The following RETREG1 variants were observed in gnomAD, a reference collection of about 807,000 sequenced individuals.
RETREG1 encodes the protein reticulophagy regulator 1.
Under a neutral mutation model 54.8 loss-of-function variants are expected in RETREG1, and 44 were observed. That is an observed-to-expected ratio of 0.80 (90% CI 0.63 to 1.03). The LOEUF (loss-of-function observed/expected upper bound fraction) is 1.03. RETREG1 is among the 50% of genes least tolerant of loss of function. The probability of loss-of-function intolerance (pLI) is 0.00; values close to 1 mark genes in which losing one functional copy is unlikely to be tolerated. For missense variants in RETREG1, 554 were observed against 605.1 expected, an observed-to-expected ratio of 0.92 and a Z score of 0.89; for synonymous variants, 217 against 238.5, an observed-to-expected ratio of 0.91 and a Z score of 0.83.
At chr5:16,600,569 G>A (rs541316160) in intron 1 of RETREG1, among the ~76,000 whole-genome samples, 20 of 152,252 alleles carry the variant, frequency 1.3e-4, no homozygotes, top group African/African-American at 4.6e-4. Flanking sequence ...CAGAACACTC[G>A]GAGTCAGGCT....
In RETREG1 at chr5:16,474,831, ACT is replaced by A; in HGVS notation, c.1402_1403del (p.Ser468Ter). On this transcript the variant is annotated frameshift_variant, in exon 9 of 9. Coordinates refer to ENST00000306320, the MANE Select transcript of RETREG1 (RefSeq NM_001034850.3). LOFTEE classifies it high-confidence loss of function. ...LDQSELDQIE[S>X]ELGLTQDQEA... ...CCTGGTCTTGTGTAAGTCCCAATTC[ACT>A]CTCAATTTGATCCAGCTCTGACTGG... The A allele has an allele frequency of 6.2e-7, 1 of 1,613,482 alleles. No individual in the cohort carries two copies. The highest frequency in any genetic ancestry group is 1.7e-5 in the Admixed American group (1 of 59,914).
At position 16,498,538 on chromosome 5, in the gene RETREG1, C is replaced by T. The variant is rs1739563064; in HGVS notation, c.459-15066G>A. 2.6e-5 allele frequency among the ~76,000 whole-genome samples: 4 copies of T among 152,166 alleles called. No individual in the cohort carries two copies. The South Asian group carries it at 8.3e-4, about 31-fold the overall frequency. On this transcript the variant is annotated intron_variant, in intron 3 of 8. Coordinates refer to ENST00000306320, the MANE Select transcript of RETREG1 (RefSeq NM_001034850.3). ...CACCAGCCTGGGCAACATGGCAAAACCCAATCTCTACAAAAAATACAAAGA... is the reference window on the plus strand; with the variant it reads ...CACCAGCCTGGGCAACATGGCAAAATCCAATCTCTACAAAAAATACAAAGA...
intron 3 of RETREG1, among the ~76,000 whole-genome samples, chr5:16,553,799 C>A (rs114760911): frequency 2.8e-4 from 42 of 152,034 alleles, no homozygotes; most frequent in African/African-American, 8.9e-4. Context: ...AAATATCATT[C>A]AGTATATTCA....
At position 16,475,247 on chromosome 5, in the gene RETREG1, T is replaced by C. The variant is rs1383912304; in HGVS notation, c.1001-13A>G. On this transcript the variant is annotated splice_polypyrimidine_tract_variant and intron_variant, in intron 8 of 8. Transcript: ENST00000306320. ...GGTCGGTCAAGATCTGTGAAATGGA[T>C]AACAGAAGTTCAGACTGAAGCACCA... 1 of 1,609,318 alleles carries C rather than the reference T, an allele frequency of 6.2e-7. No individual in the cohort carries two copies. The highest frequency in any genetic ancestry group is 8.5e-7 in the Non-Finnish European group (1 of 1,179,712).
chr5:16,503,999 T>C (rs934023303), intron 3 of RETREG1, among the ~76,000 whole-genome samples: 2 of 152,188 alleles, frequency 1.3e-5, no homozygotes, highest in Non-Finnish European at 2.9e-5. Flanking sequence ...TATCAACCCA[T>C]CACCTAGGTA....
chr5:16,547,162 G>T (rs1246738774), intron 3 of RETREG1, among the ~76,000 whole-genome samples: 1 of 152,210 alleles, frequency 6.6e-6, no homozygotes, highest in Admixed American at 6.5e-5. Context: ...CACAGGGAAG[G>T]TGGCCCCAAA....
At chr5:16,612,440 G>T (rs770351325) in intron 1 of RETREG1, among the ~76,000 whole-genome samples, 6 of 152,234 alleles carry the variant, frequency 3.9e-5, no homozygotes, top group Non-Finnish European at 5.9e-5. Flanking sequence ...CGTAGACAGG[G>T]ACAGGCGTGG....
intron 3 of RETREG1, among the ~76,000 whole-genome samples, chr5:16,519,274 CTA>C (rs1322024295): frequency 6.6e-6 from 1 of 152,158 alleles, no homozygotes; most frequent in South Asian, 2.1e-4. Context: ...CTCCAAAATA[CTA>C]TGTTATAGCA....
At chr5:16,536,960 G>A (rs1208114706) in intron 3 of RETREG1, among the ~76,000 whole-genome samples, 1 of 152,142 alleles carries the variant, frequency 6.6e-6, no homozygotes, top group African/African-American at 2.4e-5. Flanking sequence ...GATGTCAAGA[G>A]CTCCCATCGT....
At position 16,586,643 on chromosome 5, in the gene RETREG1, ATC is replaced by A. The variant is rs560000895; in HGVS notation, c.321-14543_321-14542del. On this transcript the variant is annotated intron_variant, in intron 1 of 8. Coordinates refer to ENST00000306320, the MANE Select transcript of RETREG1 (RefSeq NM_001034850.3). ...TCAGGGCCTTTCCCATTCAAATATT[ATC>A]TGATTCTATAAACTCTAGTTCTAGA... Among the ~76,000 whole-genome samples, 5 of 152,330 alleles carry A rather than the reference ATC, an allele frequency of 3.3e-5. No individual in the cohort carries two copies. The South Asian group carries it at 6.2e-4, about 19-fold the overall frequency.
chr5:16,518,579 AG>A (rs1458567675), intron 3 of RETREG1, among the ~76,000 whole-genome samples: 2 of 152,146 alleles, frequency 1.3e-5, no homozygotes, highest in Non-Finnish European at 2.9e-5. Context: ...AAAAGAAAAA[AG>A]ATTACTTTTA....
chr5:16,547,896 T>G (rs921813301), intron 3 of RETREG1, among the ~76,000 whole-genome samples: 1 of 152,080 alleles, frequency 6.6e-6, no homozygotes, highest in South Asian at 2.1e-4. Context: ...TTAATAATTA[T>G]GGTAAAAAAA....
intron 5 of RETREG1, among the ~76,000 whole-genome samples, chr5:16,479,618 A>G (rs1738684565): frequency 6.6e-6 from 1 of 152,140 alleles, no homozygotes. Context: ...CTGATGTTAT[A>G]TATGACTTCT....
In RETREG1 at chr5:16,594,284, T is replaced by C. The variant is rs574082800; in HGVS notation, c.321-22182A>G. Among the ~76,000 whole-genome samples the C allele has an allele frequency of 3.9e-5, 6 of 152,334 alleles. No homozygotes were observed. Among genetic ancestry groups the C allele is most frequent in the Non-Finnish European group, 5.9e-5 (4 of 68,032 alleles). ...TTTCTCCTGATGCCCAACTTTCATT[T>C]TGATAAATGAAAGCTACAAGTTCTA... On this transcript the variant is annotated intron_variant, in intron 1 of 8. Coordinates refer to ENST00000306320, the MANE Select transcript of RETREG1 (RefSeq NM_001034850.3). The surrounding 1 kb of genome is among the most constrained non-coding windows in gnomAD (Gnocchi z 4.4).
chr5:16,575,086 C>G (rs150680468), intron 1 of RETREG1, among the ~76,000 whole-genome samples: 1 of 152,162 alleles, frequency 6.6e-6, no homozygotes, highest in African/African-American at 2.4e-5. Context: ...CCCGACCTCA[C>G]GTTGAAGTGG....
At chr5:16,505,031 A>G (rs1739893219) in intron 3 of RETREG1, among the ~76,000 whole-genome samples, 1 of 152,208 alleles carries the variant, frequency 6.6e-6, no homozygotes, top group South Asian at 2.1e-4. Flanking sequence ...CAAGAATAAA[A>G]TTTAGTGCAA....
At chr5:16,550,845 A>T (rs1181087215) in intron 3 of RETREG1, among the ~76,000 whole-genome samples, 1 of 152,250 alleles carries the variant, frequency 6.6e-6, no homozygotes, top group Non-Finnish European at 1.5e-5. Flanking sequence ...TGAAGATATT[A>T]TGCTAATTCA....
rs1018982919 is a variant in RETREG1, at chr5:16,561,461, C to A, written c.458+4302G>T. On this transcript the variant is annotated intron_variant, in intron 3 of 8. Transcript: ENST00000306320. This position sits in a 1 kb window ranked among gnomAD's most constrained non-coding sequence, Gnocchi z 4.2. ...GCAGAGAGCCAAGATCGCTCTACCACACTCCAGCCTGGGCGACAGAGCAAG... is the reference window on the plus strand; with the variant it reads ...GCAGAGAGCCAAGATCGCTCTACCAAACTCCAGCCTGGGCGACAGAGCAAG... Among the ~76,000 whole-genome samples the A allele has an allele frequency of 6.6e-6, 1 of 152,078 alleles. No homozygotes were observed. Among genetic ancestry groups the A allele is most frequent in the Non-Finnish European group, 1.5e-5 (1 of 68,022 alleles).
At chr5:16,510,143 TAAAGA>T (rs1214274534) in intron 3 of RETREG1, among the ~76,000 whole-genome samples, 3 of 152,246 alleles carry the variant, frequency 2.0e-5, no homozygotes, top group African/African-American at 7.2e-5. Flanking sequence ...TCTACCACAT[TAAAGA>T]AATGTCAAAA....
Sources: gnomAD v4.1 joint callset for allele counts (sites outside exome capture counted in the v4.1 genomes callset) on GRCh38, gnomAD v4.1.1 for gene constraint, Gnocchi (gnomAD v3.1) non-coding constraint, MANE v1.5 for transcripts, NCBI Gene and HGNC (gene_info 2026-07-23, HGNC 2026-07-21) for gene names.